The following EYS variants were observed in gnomAD, a reference collection of about 807,000 sequenced individuals.
The protein encoded by EYS is EGF-like photoreceptor maintenance factor.
EYS carries 250 observed loss-of-function variants against 282.1 expected under a neutral mutation model. The observed-to-expected ratio is 0.89, with a 90% CI of 0.80 to 0.98. The LOEUF is 0.98. EYS is among the 50% of genes least tolerant of loss of function. EYS has a pLI of 0.00. For synonymous variants in EYS, 1,355 were observed against 1,282.9 expected, an observed-to-expected ratio of 1.06 and a Z score of -1.20; for missense variants, 4,016 against 3,709.0, an observed-to-expected ratio of 1.08 and a Z score of -2.15.
chr6:65,123,471 C>T (rs1775624787), intron 12 of EYS, among the ~76,000 whole-genome samples: 1 of 152,038 alleles, frequency 6.6e-6, no homozygotes, highest in African/African-American at 2.4e-5. Flanking sequence ...AAGGACACTT[C>T]CCCTTCCACC....
At position 64,392,111 on chromosome 6, in the gene EYS, C is replaced by T. The variant is rs192985279; in HGVS notation, c.5928-3271G>A. Among the ~76,000 whole-genome samples the T allele has an allele frequency of 8.6e-5, 13 of 151,912 alleles. No individual in the cohort carries two copies. The East Asian group carries it at 1.9e-3, about 23-fold the overall frequency. On this transcript the variant is annotated intron_variant, in intron 28 of 42. Coordinates refer to ENST00000503581, the MANE Select transcript of EYS (RefSeq NM_001142800.2). ...TATATATGCACCCAATACAGGAGCA[C>T]CAAGATCCATAAAGCAAGTCCTGAG...
rs143129899 is a variant in EYS at position 64,093,384 on chromosome 6, G to A, written c.6425-11382C>T. 3.6e-3 allele frequency among the ~76,000 whole-genome samples: 550 copies of A among 152,272 alleles called. 7 individuals are homozygous for A. The highest frequency in any genetic ancestry group is 0.012 in the African/African-American group (513 of 41,548). The stretch of plus-strand genomic sequence containing the variant: ...CACGACATTGATTCTTCCTACCCAT[G>A]AGCATGGAATGTTCTTCTATGTGTT... On this transcript the variant is annotated intron_variant, in intron 31 of 42. Transcript: ENST00000503581.
intron 22 of EYS, among the ~76,000 whole-genome samples, chr6:64,676,788 C>G (rs1186303140): frequency 6.6e-6 from 1 of 152,150 alleles, no homozygotes; most frequent in Non-Finnish European, 1.5e-5. Context: ...ACTGTAACCT[C>G]TCATGATGAC....
intron 2 of EYS, among the ~76,000 whole-genome samples, chr6:65,620,091 C>A (rs1766411661): frequency 6.6e-6 from 1 of 152,158 alleles, no homozygotes; most frequent in South Asian, 2.1e-4. Context: ...AGAGGATTCC[C>A]TCTTTTTCTA....
At chr6:65,046,824 G>A (rs981636737) in intron 13 of EYS, among the ~76,000 whole-genome samples, 2 of 151,920 alleles carry the variant, frequency 1.3e-5, no homozygotes, top group African/African-American at 4.8e-5. Context: ...GAGGAACCTG[G>A]TGGAAGGTGT....
chr6:65,461,453 C>T (rs1582326654), intron 5 of EYS, among the ~76,000 whole-genome samples: 1 of 152,084 alleles, frequency 6.6e-6, no homozygotes, highest in South Asian at 2.1e-4. Flanking sequence ...TGAGCTACAT[C>T]ACCCAGATGT....
chr6:63,902,616 AAG>A (rs1200604632), intron 35 of EYS, among the ~76,000 whole-genome samples: 1 of 152,154 alleles, frequency 6.6e-6, no homozygotes, highest in Non-Finnish European at 1.5e-5. Context: ...AAAGCTATAA[AAG>A]AGAAAAGTTT....
chr6:65,010,318 C>A (rs1771825433), intron 13 of EYS, among the ~76,000 whole-genome samples: 1 of 152,154 alleles, frequency 6.6e-6, no homozygotes, highest in Admixed American at 6.5e-5. Context: ...GTGTGGACAT[C>A]CATGATGTGA....
At chr6:64,896,856 G>A (rs1306319313) in intron 18 of EYS, among the ~76,000 whole-genome samples, 1 of 152,094 alleles carries the variant, frequency 6.6e-6, no homozygotes, top group Admixed American at 6.5e-5. Flanking sequence ...TGGTGGAGGG[G>A]GGGGCCACCA....
intron 5 of EYS, among the ~76,000 whole-genome samples, chr6:65,457,636 T>C (rs1486370946): frequency 1.3e-5 from 2 of 152,158 alleles, no homozygotes; most frequent in Admixed American, 6.6e-5. Context: ...ATTATTTGTT[T>C]TGTTATCCTA....
intron 31 of EYS, among the ~76,000 whole-genome samples, chr6:64,159,560 A>AG (rs1775039316): frequency 7.8e-5 from 1 of 12,828 alleles, no homozygotes; most frequent in Non-Finnish European, 1.6e-4. Flanking sequence ...ACTCTGTCTT[A>AG]AAAAAAAAAA....
chr6:65,020,877 G>A (rs533456986), intron 13 of EYS, among the ~76,000 whole-genome samples: 1 of 152,050 alleles, frequency 6.6e-6, no homozygotes, highest in African/African-American at 2.4e-5. Context: ...AGCTGCCAAG[G>A]CTTGGGACTT....
At chr6:63,942,604 A>C (rs557490353) in intron 35 of EYS, among the ~76,000 whole-genome samples, 4 of 152,310 alleles carry the variant, frequency 2.6e-5, no homozygotes, top group Admixed American at 2.6e-4. Flanking sequence ...CTGATTACTC[A>C]AGACTGCTTT....
At chr6:64,687,576 G>T (rs971380983) in intron 22 of EYS, among the ~76,000 whole-genome samples, 1 of 152,198 alleles carries the variant, frequency 6.6e-6, no homozygotes, top group Non-Finnish European at 1.5e-5. Flanking sequence ...AAGCCAACTT[G>T]ATTATGGTGG....
chr6:63,956,632 C>T (rs1412243916), intron 35 of EYS, among the ~76,000 whole-genome samples: 2 of 152,162 alleles, frequency 1.3e-5, no homozygotes, highest in African/African-American at 4.8e-5. Context: ...TTATAAGACA[C>T]AAGTGCAATG....
At chr6:64,919,174 T>G (rs1768257760) in intron 15 of EYS, among the ~76,000 whole-genome samples, 1 of 152,024 alleles carries the variant, frequency 6.6e-6, no homozygotes, top group Non-Finnish European at 1.5e-5. Context: ...TTCTTTAATT[T>G]TTATTTATTT....
chr6:64,435,058 C>A (rs547371866), intron 28 of EYS, among the ~76,000 whole-genome samples: 2 of 152,050 alleles, frequency 1.3e-5, no homozygotes, highest in South Asian at 4.1e-4. Flanking sequence ...TGGCATTTTC[C>A]AAAGTGTACT....
At chr6:63,808,359 A>T (rs1414736535) in intron 36 of EYS, among the ~76,000 whole-genome samples, 1 of 152,236 alleles carries the variant, frequency 6.6e-6, no homozygotes, top group South Asian at 2.1e-4. Context: ...TGGTCAAATC[A>T]TGAAGAACTA....
intron 22 of EYS, among the ~76,000 whole-genome samples, chr6:64,696,955 T>C (rs1770602600): frequency 6.6e-6 from 1 of 151,972 alleles, no homozygotes; most frequent in African/African-American, 2.4e-5. Flanking sequence ...AATGGCAACA[T>C]GAGAAAATGC....
Sources: gnomAD v4.1 joint callset for allele counts (sites outside exome capture counted in the v4.1 genomes callset) on GRCh38, gnomAD v4.1.1 for gene constraint, MANE v1.5 for transcripts, NCBI Gene and HGNC (gene_info 2026-07-23, HGNC 2026-07-21) for gene names.